Variants in PHACTR2 observed in about 807,000 individuals in gnomAD.
The protein encoded by PHACTR2 is chromosome 6 open reading frame 56.
In PHACTR2, 30 loss-of-function variants were observed where a neutral mutation model predicts 76.0. That is an observed-to-expected ratio of 0.39 (90% CI 0.30 to 0.54). The LOEUF (loss-of-function observed/expected upper bound fraction) is 0.54, where lower values mean the gene tolerates loss of function less well. Among genes scored for constraint, PHACTR2 ranks in the 20% least tolerant of loss-of-function variants. The pLI is 0.61. For missense variants in PHACTR2, 696 were observed against 781.1 expected, an observed-to-expected ratio of 0.89 and a Z score of 1.30; for synonymous variants, 292 against 292.5, an observed-to-expected ratio of 1.00 and a Z score of 0.02.
In PHACTR2 at chr6:143,543,523, G is replaced by T. The variant is rs1781191381; in HGVS notation, c.217+6316G>T. On this transcript the variant is annotated intron_variant, in intron 1 of 11. Coordinates refer to the PHACTR2 transcript ENST00000367584. The surrounding 1 kb of genome is among the most constrained non-coding windows in gnomAD (Gnocchi z 4.7). ...GGAGAACCTAGGATGGTCGGCTATA[G>T]GGAATGGCTGTGGGGAGAAAATGCC... 6.6e-6 allele frequency among the ~76,000 whole-genome samples: 1 copy of T among 152,202 alleles called. No individual in the cohort carries two copies. Among genetic ancestry groups the T allele is most frequent in the Non-Finnish European group, 1.5e-5 (1 of 68,028 alleles).
At chr6:143,712,777 G>T (rs112397411) in intron 2 of PHACTR2, among the ~76,000 whole-genome samples, 4,075 of 152,156 alleles carry the variant, frequency 0.027, 186 homozygotes, top group African/African-American at 0.09. Flanking sequence ...CAAATAAATG[G>T]TCTCTGTCTT....
rs1350493360 is a variant in PHACTR2, at chr6:143,581,974, G to A, written c.217+44767G>A. ...TGGCATGAAGGCCTTGGGTCTTAAT[G>A]CCTAAGTGAGTCACATAAACCCTGG... On this transcript the variant is annotated intron_variant, in intron 1 of 11. Coordinates refer to the PHACTR2 transcript ENST00000367584. The surrounding 1 kb of genome is among the most constrained non-coding windows in gnomAD (Gnocchi z 4.5). Among the ~76,000 whole-genome samples the A allele has an allele frequency of 6.6e-6, 1 of 152,178 alleles. No homozygotes were observed. Among genetic ancestry groups the A allele is most frequent in the African/African-American group, 2.4e-5 (1 of 41,438 alleles).
chr6:143,608,634 G>A lies in PHACTR2; in HGVS notation c.13+312G>A, dbSNP rs1775925417. On this transcript the variant is annotated intron_variant, in intron 1 of 11. Transcript: ENST00000305766. This position sits in a 1 kb window ranked among gnomAD's most constrained non-coding sequence, Gnocchi z 4.6. ...GATGGGTGGAAAATGCATACAGTTA[G>A]TGAAAAAACTATTACTAAGGGATGG... 1.3e-5 allele frequency among the ~76,000 whole-genome samples: 2 copies of A among 152,190 alleles called. No homozygotes were observed. Among genetic ancestry groups the A allele is most frequent in the South Asian group, 2.1e-4 (1 of 4,836 alleles).
At chr6:143,564,381 A>G (rs1357464144) in intron 1 of PHACTR2, among the ~76,000 whole-genome samples, 1 of 151,836 alleles carries the variant, frequency 6.6e-6, no homozygotes, top group Non-Finnish European at 1.5e-5. Flanking sequence ...GAGACACATA[A>G]TAATGCCCAA....
rs558540908 is a variant in PHACTR2 at position 143,543,086 on chromosome 6, G to A, written c.217+5879G>A. ...AGGATACTCAGAAAGGGTGTGGCAG[G>A]CCAGACACAGCAGTGTCTCTGGTGA... On this transcript the variant is annotated intron_variant, in intron 1 of 11. Coordinates refer to the PHACTR2 transcript ENST00000367584. This position sits in a 1 kb window ranked among gnomAD's most constrained non-coding sequence, Gnocchi z 4.7. Among the ~76,000 whole-genome samples, 1 of 152,350 alleles carries A rather than the reference G, an allele frequency of 6.6e-6. No individual in the cohort carries two copies. Among genetic ancestry groups the A allele is most frequent in the Non-Finnish European group, 1.5e-5 (1 of 68,032 alleles).
intron 1 of PHACTR2, among the ~76,000 whole-genome samples, chr6:143,544,369 C>T (rs946883842): frequency 1.2e-4 from 18 of 151,734 alleles, no homozygotes; most frequent in Non-Finnish European, 1.0e-4. Context: ...ATGACCCTTA[C>T]GATAGGTGAG....
intron 5 of PHACTR2, among the ~76,000 whole-genome samples, chr6:143,762,348 T>C (rs1779462525): frequency 6.6e-6 from 1 of 152,144 alleles, no homozygotes; most frequent in African/African-American, 2.4e-5. Flanking sequence ...TCATAAACGA[T>C]TTTGAGGTTT....
Position 143,567,611 on chromosome 6 carries a change from C to T in PHACTR2, c.217+30404C>T, listed in dbSNP as rs1393787481. On this transcript the variant is annotated intron_variant, in intron 1 of 11. Transcript: ENST00000367584. ...ACAGGGTTTCACCATATTGGTCAGG[C>T]TGGTCTCGATCTCCTGACCTCAGGT... Among the ~76,000 whole-genome samples, 5 of 152,200 alleles carry T rather than the reference C, an allele frequency of 3.3e-5. No individual in the cohort carries two copies. In the East Asian group the frequency reaches 9.6e-4, roughly 29 times the overall value.
chr6:143,744,101 G>A lies in PHACTR2; in HGVS notation c.215-4884G>A, dbSNP rs75513183. On this transcript the variant is annotated intron_variant, in intron 2 of 12. Transcript: ENST00000440869. ...ACCCTGCTAGGTGCTGGTGTTTGTC[G>A]TCTACAGACTGTGAGCTCCCTTCTT... 3.9e-3 allele frequency among the ~76,000 whole-genome samples: 588 copies of A among 152,278 alleles called. 3 individuals carry two copies. The highest frequency in any genetic ancestry group is 6.6e-3 in the South Asian group (32 of 4,828).
chr6:143,735,964 G>A (rs1315155747), intron 2 of PHACTR2, among the ~76,000 whole-genome samples: 3 of 151,976 alleles, frequency 2.0e-5, no homozygotes, highest in Non-Finnish European at 4.4e-5. Flanking sequence ...AAGATATGTG[G>A]GTATTAATAA....
chr6:143,579,844 C>T (rs894050424), intron 1 of PHACTR2, among the ~76,000 whole-genome samples: 14 of 152,182 alleles, frequency 9.2e-5, no homozygotes, highest in Non-Finnish European at 1.5e-5. Flanking sequence ...TAGCTGGGCC[C>T]TCTGGCTCAG....
chr6:143,703,156 T>TAA (rs57738495), intron 1 of PHACTR2, among the ~76,000 whole-genome samples: 21,955 of 90,686 alleles, frequency 0.24, 2,207 homozygotes, highest in East Asian at 0.38. Context: ...AAAAAATTAC[T>TAA]AAAAAAAAAA....
At position 143,755,220 on chromosome 6, in the gene PHACTR2, A is replaced by G. The variant is rs1779272203; in HGVS notation, c.454+1308A>G. ...TGGAACATAAAAAGAAAGTAGACTT[A>G]AATAAATTTTAGTGGGATTCAGTTG... is the stretch of plus-strand genomic sequence containing the variant. On this transcript the variant is annotated intron_variant, in intron 4 of 12. Coordinates refer to ENST00000440869, the MANE Select transcript of PHACTR2 (RefSeq NM_001100164.2). This position sits in a 1 kb window ranked among gnomAD's most constrained non-coding sequence, Gnocchi z 5.2. 1 of 451,652 alleles carries G rather than the reference A, an allele frequency of 2.2e-6. No individual in the cohort carries two copies. The highest frequency in any genetic ancestry group is 4.5e-6 in the Non-Finnish European group (1 of 224,046). The allele number at this position is 451,652 out of a possible 1,614,324, so 28.0% of individuals were successfully genotyped here.
rs201524736 is a variant in PHACTR2 at position 143,712,179 on chromosome 6, G to A, written c.210G>A (p.Ser70=). 1.7e-5 allele frequency: 26 copies of A among 1,520,540 alleles called. No homozygotes were observed. The highest frequency in any genetic ancestry group is 1.1e-4 in the South Asian group (8 of 74,004). The allele number at this position is 1,520,540 out of a possible 1,614,324, so 94.2% of individuals were successfully genotyped here. Residue 70 remains serine, a synonymous_variant, in exon 2 of 13, where the codon TCG becomes TCA. Coordinates refer to ENST00000440869, the MANE Select transcript of PHACTR2 (RefSeq NM_001100164.2). The part of the protein sequence containing the change: ...KKTSDKFRET[S]AVLERKISTR... ...CCAGCGACAAATTTAGAGAAACCTC[G>A]GCAGGTATGAGTATCATAACTTGTT... is the stretch of plus-strand genomic sequence containing the variant.
At chr6:143,640,092 A>G (rs1240465942) in intron 1 of PHACTR2, among the ~76,000 whole-genome samples, 1 of 152,218 alleles carries the variant, frequency 6.6e-6, no homozygotes, top group East Asian at 1.9e-4. Flanking sequence ...CATAGTGCAA[A>G]TGCTTTACTC....
chr6:143,815,169 C>A (rs1213819046), intron 12 of PHACTR2, among the ~76,000 whole-genome samples: 1 of 152,108 alleles, frequency 6.6e-6, no homozygotes, highest in African/African-American at 2.4e-5. Flanking sequence ...AAAAGAGTTG[C>A]AAAATGCTGC....
upstream of PHACTR2, among the ~76,000 whole-genome samples, chr6:143,604,552 T>C (rs934761614): frequency 2.2e-4 from 33 of 152,212 alleles, no homozygotes; most frequent in Non-Finnish European, 8.8e-5. Context: ...TTCTTCTCTG[T>C]GCTTCCAATA....
intron 1 of PHACTR2, among the ~76,000 whole-genome samples, chr6:143,651,161 G>T (rs564385524): frequency 2.0e-5 from 3 of 151,928 alleles, no homozygotes; most frequent in Admixed American, 6.6e-5. Flanking sequence ...TGCCAGTCAG[G>T]ATAGCTATTA....
In PHACTR2 at chr6:143,587,186, T is replaced by C. The variant is rs145628912; in HGVS notation, c.217+49979T>C. On this transcript the variant is annotated intron_variant, in intron 1 of 11. Transcript: ENST00000367584. ...AGAACATAAAAACTTCTTGGATTTA[T>C]TTCTAAACAGAACTAACATCAGAAT... Among the ~76,000 whole-genome samples, 916 of 152,346 alleles carry C rather than the reference T, an allele frequency of 6.0e-3. 9 individuals carry two copies. The highest frequency in any genetic ancestry group is 0.021 in the African/African-American group (884 of 41,570).
Sources: gnomAD v4.1 joint callset for allele counts (sites outside exome capture counted in the v4.1 genomes callset) on GRCh38, gnomAD v4.1.1 for gene constraint, Gnocchi (gnomAD v3.1) non-coding constraint, MANE v1.5 for transcripts, NCBI Gene and HGNC (gene_info 2026-07-23, HGNC 2026-07-21) for gene names.